The following ITGA3 variants were observed in gnomAD, a reference collection of about 807,000 sequenced individuals.
The protein encoded by ITGA3 is integrin alpha-3.
Under a neutral mutation model 131.1 loss-of-function variants are expected in ITGA3, and 70 were observed. The ratio of observed to expected loss-of-function variants is 0.53; its 90% CI spans 0.44 to 0.65. ITGA3 has a LOEUF of 0.65. ITGA3 is among the 30% of genes least tolerant of loss of function. ITGA3 has a pLI of 0.00. For missense variants in ITGA3, 1,098 were observed against 1,388.6 expected, an observed-to-expected ratio of 0.79 and a Z score of 3.33; for synonymous variants, 537 against 571.6, an observed-to-expected ratio of 0.94 and a Z score of 0.86.
At chr17:50,074,630 A>G (rs938618817) in intron 10 of ITGA3, 96 bp downstream of exon 10, 1 of 826,212 alleles carries the variant, frequency 1.2e-6, no homozygotes, top group Non-Finnish European at 2.0e-6. Context: ...CTGACATCCC[A>G]CCTTTAGAAA....
intron 4 of ITGA3, among the ~76,000 whole-genome samples, chr17:50,069,871 CCAT>C (rs1177118422): frequency 1.3e-5 from 2 of 152,174 alleles, no homozygotes; most frequent in Non-Finnish European, 2.9e-5. Flanking sequence ...TTGCCTCCCT[CCAT>C]CACACAGGTT....
rs751619579 is a variant in ITGA3 at position 50,068,124 on chromosome 17, G to A, written c.483G>A (p.Lys161=). 1 of 1,614,198 alleles carries A rather than the reference G, an allele frequency of 6.2e-7. No homozygotes were observed. The highest frequency in any genetic ancestry group is 1.1e-5 in the South Asian group (1 of 91,090). The part of the protein sequence containing the change: ...GSEDQRRMVG[K]CYVRGNDLEL... ...AAGACCAGCGGCGCATGGTGGGCAA[G>A]TGCTACGTGCGAGGCAATGACCTAG... is the stretch of plus-strand genomic sequence containing the variant. The change falls in exon 4 of 26, where the codon AAG becomes AAA. Residue 161 remains lysine, a synonymous_variant. Transcript: ENST00000320031.
intron 1 of ITGA3, among the ~76,000 whole-genome samples, chr17:50,059,449 T>C (rs1907976059): frequency 1.3e-5 from 2 of 152,200 alleles, no homozygotes; most frequent in Non-Finnish European, 2.9e-5. Context: ...AATGAGGTCA[T>C]GCCTGAGGTA....
At chr17:50,085,181 G>C (rs1275814964) in intron 23 of ITGA3, among the ~76,000 whole-genome samples, 1 of 148,774 alleles carries the variant, frequency 6.7e-6, no homozygotes, top group Non-Finnish European at 1.5e-5. Flanking sequence ...CAGCCTGGGC[G>C]ACAGAGTGAG....
At position 50,064,698 on chromosome 17, in the gene ITGA3, G is replaced by A; in HGVS notation, c.414+91G>A. On this transcript the variant is annotated intron_variant, in intron 3 of 25. Transcript: ENST00000320031. This position sits in a 1 kb window ranked among gnomAD's most constrained non-coding sequence, Gnocchi z 4.4. ...GAGGAAAGAAGAGGGCAGCAGGGGG[G>A]TCCACGGCGCGTGTGTGCTGGGGCC... The A allele has an allele frequency of 1.9e-6, 2 of 1,080,592 alleles. No homozygotes were observed. Among genetic ancestry groups the A allele is most frequent in the Non-Finnish European group, 1.4e-6 (1 of 736,248 alleles). The allele number at this position is 1,080,592 out of a possible 1,614,324, so 66.9% of individuals were successfully genotyped here.
rs1908784277 is a variant in ITGA3 at position 50,074,435 on chromosome 17, G to A, written c.1383-13G>A. On this transcript the variant is annotated splice_polypyrimidine_tract_variant and intron_variant, in intron 9 of 25. Coordinates refer to ENST00000320031, the MANE Select transcript of ITGA3 (RefSeq NM_002204.4). ...GAGGCACTGATATCTGTCTGGCTCT[G>A]TTGTCTCTGCAGGGCCCGGCCCGTC... is the stretch of plus-strand genomic sequence containing the variant. 1 of 1,613,608 alleles carries A rather than the reference G, an allele frequency of 6.2e-7. No individual in the cohort carries two copies. The highest frequency in any genetic ancestry group is 1.3e-5 in the African/African-American group (1 of 75,050).
At chr17:50,063,907 A>G in intron 1 of ITGA3, 170 bp from the exon 2 acceptor site, 1 of 846,008 alleles carries the variant, frequency 1.2e-6, no homozygotes, top group Non-Finnish European at 1.8e-6. Context: ...ACTTCCTTCT[A>G]GTGTCTTTTT....
In ITGA3 at chr17:50,064,436, G is replaced by A; in HGVS notation, c.335-92G>A. 2 of 1,301,564 alleles carry A rather than the reference G, an allele frequency of 1.5e-6. No individual in the cohort carries two copies. Among genetic ancestry groups the A allele is most frequent in the Non-Finnish European group, 2.1e-6 (2 of 937,258 alleles). The allele number at this position is 1,301,564 out of a possible 1,614,324, so 80.6% of individuals were successfully genotyped here. ...GGGAGGGCTGCCCTGTGGGTGGAGG[G>A]CCCAAGCGGGACCCACTCCTGCCCT... is the stretch of plus-strand genomic sequence containing the variant. On this transcript the variant is annotated intron_variant, in intron 2 of 25. Transcript: ENST00000320031. This position sits in a 1 kb window ranked among gnomAD's most constrained non-coding sequence, Gnocchi z 4.4.
chr17:50,072,052 C>G lies in ITGA3; in HGVS notation c.1026C>G (p.Ile342Met), dbSNP rs769110428. The change falls in exon 7 of 26, where the codon ATC (isoleucine) becomes ATG (methionine). Residue 342 changes from isoleucine (I) to methionine (M), a missense_variant. This residue lies in a region of ITGA3 where 356 missense variants were observed against 529.2 expected (regional missense o/e 0.67). Coordinates refer to ENST00000320031, the MANE Select transcript of ITGA3 (RefSeq NM_002204.4). ...FERKEEVGGA[I>M]YVFMNQAGTS... ...GGAAAGAGGAAGTAGGGGGTGCCAT[C>G]TATGTCTTCATGAACCAGGCGGGAA... The G allele has an allele frequency of 1.1e-5, 17 of 1,614,132 alleles. No homozygotes were observed. The Admixed American group carries it at 2.8e-4, about 27-fold the overall frequency.
chr17:50,085,428 G>A (rs145364759), intron 23 of ITGA3, among the ~76,000 whole-genome samples: 3,851 of 151,984 alleles, frequency 0.025, 192 homozygotes, highest in African/African-American at 0.088. Context: ...ACTTTGGGAC[G>A]TCGAGGCAGG....
rs35261467 is a variant in ITGA3, at chr17:50,076,575, AC to A, written c.1825-3del. On this transcript the variant is annotated splice_polypyrimidine_tract_variant and splice_region_variant and intron_variant, in intron 13 of 25. Coordinates refer to ENST00000320031, the MANE Select transcript of ITGA3 (RefSeq NM_002204.4). ...TGGTGCGGCCTTCACACCTCCGGCC[AC>A]CCCCCAGGTCCAGTTCCAGAAGGAG... The A allele has an allele frequency of 4.3e-6, 7 of 1,611,920 alleles. No homozygotes were observed. The East Asian group carries it at 1.1e-4, about 26-fold the overall frequency.
chr17:50,072,912 C>G (rs1261718585), intron 7 of ITGA3, among the ~76,000 whole-genome samples: 1 of 152,092 alleles, frequency 6.6e-6, no homozygotes, highest in Non-Finnish European at 1.5e-5. Flanking sequence ...GAGTCAGTGC[C>G]ATGGGGGCAC....
At chr17:50,061,343 C>T (rs1401307724) in intron 1 of ITGA3, among the ~76,000 whole-genome samples, 1 of 152,068 alleles carries the variant, frequency 6.6e-6, no homozygotes, top group African/African-American at 2.4e-5. Flanking sequence ...TTGGGAAGTT[C>T]AGAGGAGGGA....
rs1400573781 is a variant in ITGA3 at position 50,064,214 on chromosome 17, A to C, written c.334+10A>C. 1 of 1,600,944 alleles carries C rather than the reference A, an allele frequency of 6.2e-7. No individual in the cohort carries two copies. Among genetic ancestry groups the C allele is most frequent in the Non-Finnish European group, 8.5e-7 (1 of 1,174,494 alleles). On this transcript the variant is annotated intron_variant, in intron 2 of 25. Transcript: ENST00000320031. The surrounding 1 kb of genome is among the most constrained non-coding windows in gnomAD (Gnocchi z 4.4). The stretch of plus-strand genomic sequence containing the variant: ...AACATCACAGTGAAAAGTGAGGGGA[A>C]GGGGCTGGGGAGGGGTGCTGGGTCA...
chr17:50,057,276 C>A (rs932538876), intron 1 of ITGA3, among the ~76,000 whole-genome samples: 25 of 152,222 alleles, frequency 1.6e-4, no homozygotes, highest in African/African-American at 6.0e-4. Flanking sequence ...TCTCCTCCTG[C>A]CCACCCGCAA....
chr17:50,079,981 G>A (rs1909110115), intron 21 of ITGA3, among the ~76,000 whole-genome samples: 1 of 152,194 alleles, frequency 6.6e-6, no homozygotes, highest in African/African-American at 2.4e-5. Context: ...GCAGGGAGCT[G>A]GCTGGGAAGC....
In ITGA3 at chr17:50,089,556, GC is replaced by G. The variant is rs144830874; in HGVS notation, c.*479del. On this transcript the variant is annotated 3_prime_UTR_variant, in exon 26 of 26. Coordinates refer to ENST00000320031, the MANE Select transcript of ITGA3 (RefSeq NM_002204.4). Reference sequence around the variant, plus strand: ...CTGGTGCATCACGGATGGTGCATGGGCTCGCCGTGTCTCAGCCTCTGCCAGC... The same window carrying G: ...CTGGTGCATCACGGATGGTGCATGGGTCGCCGTGTCTCAGCCTCTGCCAGC... The G allele has an allele frequency of 7.9e-3, 3,039 of 385,388 alleles. 89 individuals carry two copies. Among genetic ancestry groups the G allele is most frequent in the African/African-American group, 0.057 (2,864 of 50,124 alleles). 23.9% of individuals were successfully genotyped at this position (385,388 alleles called of 1,614,324 possible).
Position 50,089,233 on chromosome 17 carries a change from A to G in ITGA3, c.*155A>G, listed in dbSNP as rs1343930328. The G allele has an allele frequency of 6.2e-7, 1 of 1,613,504 alleles. No homozygotes were observed. Among genetic ancestry groups the G allele is most frequent in the South Asian group, 1.1e-5 (1 of 91,030 alleles). Reference sequence around the variant, plus strand: ...CCTGCCCACCAAGAAGCACTGGGTGACCAGCTGGCAGACTCGGGACCAATA... The same window carrying G: ...CCTGCCCACCAAGAAGCACTGGGTGGCCAGCTGGCAGACTCGGGACCAATA... On this transcript the variant is annotated 3_prime_UTR_variant, in exon 26 of 26. Coordinates refer to ENST00000320031, the MANE Select transcript of ITGA3 (RefSeq NM_002204.4).
At chr17:50,066,156 G>A (rs1413506205) in intron 3 of ITGA3, 1 of 151,670 alleles carries the variant, frequency 6.6e-6, no homozygotes, top group Non-Finnish European at 1.5e-5. Flanking sequence ...AGCCTCCCAA[G>A]CTAATTTTTA....
Sources: gnomAD v4.1 joint callset for allele counts (sites outside exome capture counted in the v4.1 genomes callset) on GRCh38, gnomAD v4.1.1 for gene constraint, gnomAD v4.1.1 regional missense constraint, Gnocchi (gnomAD v3.1) non-coding constraint, MANE v1.5 for transcripts, NCBI Gene and HGNC (gene_info 2026-07-23, HGNC 2026-07-21) for gene names.